Variants in MCM10 observed in about 807,000 individuals in gnomAD.
MCM10 encodes the protein minichromosome maintenance 10 replication initiation factor.
Under a neutral mutation model 109.9 loss-of-function variants are expected in MCM10, and 91 were observed. The observed-to-expected ratio is 0.83, with a 90% CI of 0.70 to 0.99. The LOEUF (loss-of-function observed/expected upper bound fraction) is 0.99. Among genes scored for constraint, MCM10 ranks in the 50% least tolerant of loss-of-function variants. MCM10 has a pLI of 0.00. For missense variants in MCM10, 1,077 were observed against 1,061.2 expected, an observed-to-expected ratio of 1.01 and a Z score of -0.21; for synonymous variants, 380 against 387.2, an observed-to-expected ratio of 0.98 and a Z score of 0.22.
chr10:13,199,901 G>T (rs934111825), intron 16 of MCM10, among the ~76,000 whole-genome samples: 25 of 152,168 alleles, frequency 1.6e-4, no homozygotes, highest in African/African-American at 6.0e-4. Flanking sequence ...CCCCAAGCTG[G>T]TCTTGAACTC....
At chr10:13,197,574 C>T (rs777701189) in intron 14 of MCM10, 49 bp from the exon 15 acceptor site, 1 of 1,564,276 alleles carries the variant, frequency 6.4e-7, no homozygotes, top group Non-Finnish European at 8.7e-7. Context: ...CTATAAGTGC[C>T]TCTGTCATCT....
intron 16 of MCM10, among the ~76,000 whole-genome samples, chr10:13,199,552 G>A (rs916994448): frequency 2.0e-5 from 3 of 152,004 alleles, no homozygotes; most frequent in Non-Finnish European, 4.4e-5. Context: ...CAAGTATTTT[G>A]TATTGCTTCC....
rs778544806 is a variant in MCM10 at position 13,195,191 on chromosome 10, G to A, written c.1896G>A (p.Leu632=). 7.4e-6 allele frequency: 12 copies of A among 1,613,738 alleles called. No individual in the cohort carries two copies. The South Asian group carries it at 1.2e-4, about 16-fold the overall frequency. The change falls in exon 14 of 20, where the codon TTG becomes TTA. Residue 632 remains leucine, a synonymous_variant. Coordinates refer to ENST00000378714, the MANE Select transcript of MCM10 (RefSeq NM_018518.5). ...CGCCCAAGCTGGGGCGAGGTGTCTT[G>A]GAAGGAGATGATGTTCTCTTTTATG... ...TMTPKLGRGV[L]EGDDVLFYDE...
In MCM10 at chr10:13,172,280, G is replaced by A; in HGVS notation, c.350-96G>A. On this transcript the variant is annotated intron_variant, in intron 3 of 19. Transcript: ENST00000378714. This position sits in a 1 kb window ranked among gnomAD's most constrained non-coding sequence, Gnocchi z 5.2. Reference sequence around the variant, plus strand: ...TATATTGTGGGTCTCAAGGTATTGGGGCAGGGAGTGGACAACAAAAATATT... The same window carrying A: ...TATATTGTGGGTCTCAAGGTATTGGAGCAGGGAGTGGACAACAAAAATATT... 1.2e-6 allele frequency: 1 copy of A among 813,690 alleles called. No homozygotes were observed. Among genetic ancestry groups the A allele is most frequent in the Non-Finnish European group, 2.1e-6 (1 of 473,940 alleles). The allele number at this position is 813,690 out of a possible 1,614,324, so 50.4% of individuals were successfully genotyped here. A position where few individuals can be genotyped will look rare whatever the true frequency, so the allele number is the denominator to read the frequency against.
At chr10:13,168,677 C>T (rs915641580) in intron 2 of MCM10, among the ~76,000 whole-genome samples, 3 of 152,174 alleles carry the variant, frequency 2.0e-5, no homozygotes, top group Admixed American at 6.5e-5. Context: ...CAATTCTTAA[C>T]CTCACCAGTA....
intron 18 of MCM10, chr10:13,204,569 T>C: frequency 3.6e-6 from 2 of 553,558 alleles, no homozygotes; most frequent in Non-Finnish European, 6.3e-6. Context: ...ACACCTAATA[T>C]AGTGCCTGGC....
chr10:13,191,970 G>T (rs762716343), intron 11 of MCM10, among the ~76,000 whole-genome samples: 13 of 152,178 alleles, frequency 8.5e-5, no homozygotes, highest in Non-Finnish European at 1.9e-4. Flanking sequence ...TGTGGTCAGG[G>T]ACCCTTATCC....
intron 8 of MCM10, among the ~76,000 whole-genome samples, chr10:13,183,585 C>T (rs1440064800): frequency 6.6e-6 from 1 of 152,152 alleles, no homozygotes; most frequent in African/African-American, 2.4e-5. Flanking sequence ...TCCACCTATT[C>T]TAAAGTGTTT....
chr10:13,169,638 G>A (rs2131556494), intron 2 of MCM10, among the ~76,000 whole-genome samples: 1 of 152,330 alleles, frequency 6.6e-6, no homozygotes, highest in East Asian at 1.9e-4. Context: ...ATGGATTAAT[G>A]AGGTGTGATA....
chr10:13,168,577 A>G (rs999059305), intron 2 of MCM10, among the ~76,000 whole-genome samples: 66 of 152,330 alleles, frequency 4.3e-4, no homozygotes, highest in African/African-American at 1.5e-3. Flanking sequence ...CTCTGATTTT[A>G]TAAACAAATA....
At chr10:13,186,382 C>T in intron 9 of MCM10, 102 bp downstream of exon 9, 7 of 730,382 alleles carry the variant, frequency 9.6e-6, no homozygotes, top group South Asian at 8.8e-5. Flanking sequence ...AACTGAGTTT[C>T]CCACTTAAAG....
At chr10:13,166,977 A>G (rs563055550) in intron 2 of MCM10, among the ~76,000 whole-genome samples, 6 of 151,780 alleles carry the variant, frequency 4.0e-5, no homozygotes, top group Admixed American at 2.0e-4. Flanking sequence ...CATTTCTACA[A>G]AAAAATATTT....
At chr10:13,190,711 TC>T (rs1834336185) in intron 10 of MCM10, among the ~76,000 whole-genome samples, 1 of 152,240 alleles carries the variant, frequency 6.6e-6, no homozygotes, top group East Asian at 1.9e-4. Flanking sequence ...AACTGTTAGT[TC>T]CTTGGTATAT....
At chr10:13,174,548 A>G (rs541094852) in intron 5 of MCM10, among the ~76,000 whole-genome samples, 11 of 152,302 alleles carry the variant, frequency 7.2e-5, no homozygotes, top group Admixed American at 1.3e-4. Context: ...ATAGAGAATC[A>G]GTATTATAGA....
chr10:13,178,835 A>G (rs1417796788), intron 6 of MCM10, among the ~76,000 whole-genome samples: 3 of 152,258 alleles, frequency 2.0e-5, no homozygotes, highest in Non-Finnish European at 4.4e-5. Flanking sequence ...CTTTAAATCC[A>G]TCAACATAGG....
chr10:13,170,855 T>C, intron 2 of MCM10, 67 bp from the exon 3 acceptor site: 1 of 1,419,984 alleles, frequency 7.0e-7, no homozygotes, highest in Non-Finnish European at 9.7e-7. Flanking sequence ...GTCATTTAAA[T>C]TGCCTAAAGT....
chr10:13,198,709 G>C lies in MCM10; in HGVS notation c.2140G>C (p.Ala714Pro). 1 of 1,613,220 alleles carries C rather than the reference G, an allele frequency of 6.2e-7. No individual in the cohort carries two copies. Among genetic ancestry groups the C allele is most frequent in the Non-Finnish European group, 8.5e-7 (1 of 1,179,460 alleles). ...SSQAEDELEPARKKRREQLAY... is the reference protein window; with the variant it reads ...SSQAEDELEPPRKKRREQLAY... ...CCTAGCTGAGGATGAATTGGAGCCT[G>C]CCAGGAAAAAAAGGAGAGAACAACT... The change falls in exon 16 of 20, where the codon GCC becomes CCC. Residue 714 changes from alanine to proline, a missense_variant. Transcript: ENST00000378714.
chr10:13,200,951 C>A (rs919537937), intron 16 of MCM10, among the ~76,000 whole-genome samples: 1 of 152,130 alleles, frequency 6.6e-6, no homozygotes, highest in South Asian at 2.1e-4. Context: ...TTGAGACCAG[C>A]CTAGCCAACA....
chr10:13,200,353 T>C (rs1408365164), intron 16 of MCM10, among the ~76,000 whole-genome samples: 1 of 152,162 alleles, frequency 6.6e-6, no homozygotes, highest in African/African-American at 2.4e-5. Context: ...TTGCAGACAG[T>C]GCAGCACCCC....
Sources: gnomAD v4.1 joint callset for allele counts (sites outside exome capture counted in the v4.1 genomes callset) on GRCh38, gnomAD v4.1.1 for gene constraint, Gnocchi (gnomAD v3.1) non-coding constraint, MANE v1.5 for transcripts, NCBI Gene and HGNC (gene_info 2026-07-23, HGNC 2026-07-21) for gene names.